Variants in RASA2 observed in about 807,000 individuals in gnomAD.
RASA2 encodes the protein ras GTPase-activating protein 2.
RASA2 carries 155 observed loss-of-function variants against 118.2 expected under a neutral mutation model. That is an observed-to-expected ratio of 1.31 (90% CI 1.15 to 1.50). The LOEUF is 1.50. Among genes scored for constraint, RASA2 ranks in the 40% most tolerant of loss-of-function variants. The pLI is 0.00. For missense variants in RASA2, 1,016 were observed against 1,009.6 expected (o/e 1.01, Z -0.09); for synonymous variants, 353 against 349.1 (o/e 1.01, Z -0.12).
chr3:141,512,298 G>A lies in RASA2; in HGVS notation c.251+18G>A. 6.7e-7 allele frequency: 1 copy of A among 1,496,116 alleles called. No homozygotes were observed. Among genetic ancestry groups the A allele is most frequent in the South Asian group, 1.2e-5 (1 of 82,860 alleles). 92.7% of individuals were successfully genotyped at this position (1,496,116 alleles called of 1,614,324 possible). On this transcript the variant is annotated intron_variant, in intron 2 of 23. Transcript: ENST00000286364. ...TCTTTAAGGTTGGTAGAAAAAATTG[G>A]TAAATTATAATTTTTACTATATAGA...
At chr3:141,598,270 A>G (rs1196988780) in intron 19 of RASA2, among the ~76,000 whole-genome samples, 1 of 152,234 alleles carries the variant, frequency 6.6e-6, no homozygotes, top group Non-Finnish European at 1.5e-5. Flanking sequence ...TAAATCCAGC[A>G]GTATATGAAA....
At chr3:141,556,677 T>C (rs1287215393) in intron 7 of RASA2, among the ~76,000 whole-genome samples, 1 of 152,160 alleles carries the variant, frequency 6.6e-6, no homozygotes, top group Non-Finnish European at 1.5e-5. Flanking sequence ...TGTATTCTAA[T>C]AAAGCATGTT....
chr3:141,516,213 T>C (rs1002392261), intron 2 of RASA2, 115 bp from the exon 3 acceptor site: 18 of 667,844 alleles, frequency 2.7e-5, no homozygotes, highest in Admixed American at 5.0e-5. Context: ...AATATATATA[T>C]ATTAAAAAAA....
At chr3:141,497,595 T>C (rs2081722435) in intron 1 of RASA2, among the ~76,000 whole-genome samples, 1 of 151,846 alleles carries the variant, frequency 6.6e-6, no homozygotes, top group South Asian at 2.1e-4. Flanking sequence ...ACTTTTGATA[T>C]AATTTCAAAC....
rs534223469 is a variant in RASA2, at chr3:141,540,533, G to A, written c.451G>A (p.Gly151Ser). The change falls in exon 5 of 24, where the codon GGT becomes AGT. Residue 151 changes from glycine to serine, a missense_variant and splice_region_variant. This residue lies in a region of RASA2 where 896 missense variants were observed against 836.4 expected (regional missense o/e 1.07). Coordinates refer to ENST00000286364, the MANE Select transcript of RASA2 (RefSeq NM_006506.5). The stretch of plus-strand genomic sequence containing the variant: ...GTTTGTAATCTTTTTGTCATTATAG[G>A]GTAAAGTTCACCTTGAATTAAAACT... Reference protein sequence around the residue: ...QPVDSNSEVQGKVHLELKLNE... With the variant: ...QPVDSNSEVQSKVHLELKLNE... 1.9e-6 allele frequency: 3 copies of A among 1,607,708 alleles called. No homozygotes were observed. The highest frequency in any genetic ancestry group is 1.3e-5 in the African/African-American group (1 of 74,828).
chr3:141,554,018 G>C, intron 6 of RASA2, 78 bp downstream of exon 6: 2 of 1,514,726 alleles, frequency 1.3e-6, no homozygotes, highest in Admixed American at 4.4e-5. Context: ...GATTCTACGA[G>C]CAAATGATAA....
chr3:141,542,684 T>C (rs2082422265), intron 5 of RASA2, among the ~76,000 whole-genome samples: 1 of 152,184 alleles, frequency 6.6e-6, no homozygotes, highest in Non-Finnish European at 1.5e-5. Context: ...TTATAGATCA[T>C]TTTATCATGT....
intron 1 of RASA2, among the ~76,000 whole-genome samples, chr3:141,502,723 G>A (rs1348400981): frequency 6.6e-6 from 1 of 152,132 alleles, no homozygotes; most frequent in Non-Finnish European, 1.5e-5. Flanking sequence ...TCAGTAAGTG[G>A]TAGCTATTAT....
intron 7 of RASA2, among the ~76,000 whole-genome samples, chr3:141,558,344 A>G (rs2082679364): frequency 6.6e-6 from 1 of 152,244 alleles, no homozygotes; most frequent in South Asian, 2.1e-4. Context: ...AAACAAAGAC[A>G]GCAGCATAAG....
intron 23 of RASA2, among the ~76,000 whole-genome samples, chr3:141,610,869 A>T (rs1021085534): frequency 6.6e-6 from 1 of 151,126 alleles, no homozygotes; most frequent in African/African-American, 2.5e-5. Context: ...TTTTGTTTTT[A>T]CTGATCCTCC....
intron 13 of RASA2, 74 bp from the exon 14 acceptor site, chr3:141,573,870 A>G: frequency 1.6e-6 from 2 of 1,286,132 alleles, no homozygotes; most frequent in Non-Finnish European, 2.1e-6. Context: ...ATTTTCTTAC[A>G]TTTTTCTTTC....
intron 16 of RASA2, 118 bp from the exon 17 acceptor site, chr3:141,580,980 ACT>A: frequency 3.7e-6 from 4 of 1,093,392 alleles, no homozygotes; most frequent in Non-Finnish European, 4.9e-6. Flanking sequence ...CAAGCCCTGA[ACT>A]CTCTGAAAAT....
chr3:141,589,852 GA>G (rs997519383), intron 19 of RASA2, among the ~76,000 whole-genome samples: 14 of 144,514 alleles, frequency 9.7e-5, no homozygotes, highest in Non-Finnish European at 1.5e-4. Context: ...AAAAAAAAAA[GA>G]AAAAAAAAAG....
chr3:141,502,847 C>T (rs530030748), intron 1 of RASA2, among the ~76,000 whole-genome samples: 19 of 152,244 alleles, frequency 1.2e-4, no homozygotes, highest in Non-Finnish European at 2.5e-4. Flanking sequence ...CCCATGTTGG[C>T]GCCTACCCTT....
intron 1 of RASA2, among the ~76,000 whole-genome samples, chr3:141,489,249 A>G (rs1227846303): frequency 6.6e-6 from 1 of 152,088 alleles, no homozygotes. Flanking sequence ...ATGTATTTGT[A>G]TACTTATATA....
chr3:141,579,479 A>G (rs1047597663), intron 15 of RASA2: 1 of 152,176 alleles, frequency 6.6e-6, no homozygotes, highest in African/African-American at 2.4e-5. Flanking sequence ...GACCCAAATA[A>G]TCACCCTCTG....
chr3:141,575,806 G>C (rs2083001314), intron 14 of RASA2, among the ~76,000 whole-genome samples: 1 of 152,000 alleles, frequency 6.6e-6, no homozygotes, highest in African/African-American at 2.4e-5. Context: ...TTTTGTTTTT[G>C]TTTTTGAGAC....
chr3:141,614,540 A>G lies in RASA2; in HGVS notation c.*2227A>G, dbSNP rs932609108. The G allele has an allele frequency of 6.6e-6, 1 of 152,178 alleles. No homozygotes were observed. The highest frequency in any genetic ancestry group is 1.5e-5 in the Non-Finnish European group (1 of 68,028). 9.4% of individuals were successfully genotyped at this position (152,178 alleles called of 1,614,324 possible). On this transcript the variant is annotated 3_prime_UTR_variant, in exon 24 of 24. Coordinates refer to ENST00000286364, the MANE Select transcript of RASA2 (RefSeq NM_006506.5). ...CTCTACCTTTTCCACATTTGAAAAT[A>G]TACAAGGCAGCTCACTTCATCCTAA...
At chr3:141,581,840 T>A (rs1471842229) in intron 17 of RASA2, among the ~76,000 whole-genome samples, 1 of 152,226 alleles carries the variant, frequency 6.6e-6, no homozygotes, top group East Asian at 1.9e-4. Context: ...AAAATCACTG[T>A]ACTTAGAAGT....
Sources: gnomAD v4.1 joint callset for allele counts (sites outside exome capture counted in the v4.1 genomes callset) on GRCh38, gnomAD v4.1.1 for gene constraint, gnomAD v4.1.1 regional missense constraint, MANE v1.5 for transcripts, NCBI Gene and HGNC (gene_info 2026-07-23, HGNC 2026-07-21) for gene names.